Variants in PIGL observed in about 807,000 individuals in gnomAD.
The protein encoded by PIGL is N-acetylglucosaminyl-phosphatidylinositol de-N-acetylase.
PIGL carries 22 observed loss-of-function variants against 31.1 expected under a neutral mutation model. That is an observed-to-expected ratio of 0.71 (90% CI 0.51 to 1.01). The LOEUF (loss-of-function observed/expected upper bound fraction) is 1.01, where lower values mean the gene tolerates loss of function less well. PIGL is among the 50% of genes least tolerant of loss of function. PIGL has a pLI of 0.00. For missense variants in PIGL, 302 were observed against 315.9 expected (o/e 0.96, Z 0.33); for synonymous variants, 131 against 117.4 (o/e 1.12, Z -0.75).
At chr17:16,249,347 C>T (rs984684623) in intron 2 of PIGL, among the ~76,000 whole-genome samples, 10 of 152,028 alleles carry the variant, frequency 6.6e-5, no homozygotes, top group African/African-American at 2.2e-4. Context: ...GGCATGGTGG[C>T]GCACGCCTGT....
In PIGL at chr17:16,282,167, T is replaced by C. The variant is rs73978831; in HGVS notation, c.336-17721T>C. 3.3e-3 allele frequency: 1,400 copies of C among 421,266 alleles called. 14 individuals are homozygous for C. Among genetic ancestry groups the C allele is most frequent in the African/African-American group, 0.026 (1,285 of 49,552 alleles). 26.1% of individuals were successfully genotyped at this position (421,266 alleles called of 1,614,324 possible). Reference sequence around the variant, plus strand: ...CCTGGGAATTAGCACATATCCCAAATTTCCTTCAGCTTTGCCTGCCCACAG... The same window carrying C: ...CCTGGGAATTAGCACATATCCCAAACTTCCTTCAGCTTTGCCTGCCCACAG... On this transcript the variant is annotated intron_variant, in intron 2 of 6. Coordinates refer to ENST00000225609, the MANE Select transcript of PIGL (RefSeq NM_004278.4).
At chr17:16,264,863 G>A (rs1184269353) in intron 2 of PIGL, among the ~76,000 whole-genome samples, 3 of 152,100 alleles carry the variant, frequency 2.0e-5, no homozygotes, top group Non-Finnish European at 2.9e-5. Flanking sequence ...CTGACCTCAG[G>A]TGACCCGCCC....
At chr17:16,303,242 CT>C (rs1418632922) in intron 3 of PIGL, among the ~76,000 whole-genome samples, 1 of 152,166 alleles carries the variant, frequency 6.6e-6, no homozygotes, top group Non-Finnish European at 1.5e-5. Context: ...ACATATGTTG[CT>C]GTTTATTCTT....
chr17:16,310,703 A>G (rs1317032619), intron 3 of PIGL, among the ~76,000 whole-genome samples: 1 of 152,040 alleles, frequency 6.6e-6, no homozygotes, highest in African/African-American at 2.4e-5. Flanking sequence ...CGCCCAGCTC[A>G]TTTTTGTATT....
chr17:16,246,205 G>A (rs1348660215), intron 2 of PIGL, among the ~76,000 whole-genome samples: 1 of 151,742 alleles, frequency 6.6e-6, no homozygotes, highest in African/African-American at 2.4e-5. Flanking sequence ...CTATAGTAGA[G>A]GGATAGTAAG....
At chr17:16,220,071 C>T (rs990028765) in intron 1 of PIGL, among the ~76,000 whole-genome samples, 2 of 151,580 alleles carry the variant, frequency 1.3e-5, no homozygotes, top group African/African-American at 2.4e-5. Flanking sequence ...AAATATAGGC[C>T]GGGCATGGTG....
chr17:16,290,019 G>A (rs926996145), intron 2 of PIGL, among the ~76,000 whole-genome samples: 15 of 151,550 alleles, frequency 9.9e-5, no homozygotes, highest in African/African-American at 2.7e-4. Flanking sequence ...CAGGTGATCC[G>A]CCCACCTTGG....
intron 2 of PIGL, among the ~76,000 whole-genome samples, chr17:16,286,578 G>A: frequency 6.6e-6 from 1 of 152,182 alleles, no homozygotes; most frequent in East Asian, 1.9e-4. Flanking sequence ...AACGCTTTTA[G>A]CCTGGCTTGT....
Position 16,317,927 on chromosome 17 carries a change from T to C in PIGL, c.660+19T>C. ...GGCCAAGGTGAGGATTGTAAATTCCTGGACACCCCAACTCAGATCCCTGCC... is the reference window on the plus strand; with the variant it reads ...GGCCAAGGTGAGGATTGTAAATTCCCGGACACCCCAACTCAGATCCCTGCC... On this transcript the variant is annotated intron_variant, in intron 6 of 6. Transcript: ENST00000225609. The C allele has an allele frequency of 1.3e-6, 2 of 1,596,428 alleles. No individual in the cohort carries two copies. Among genetic ancestry groups the C allele is most frequent in the Non-Finnish European group, 1.7e-6 (2 of 1,175,058 alleles).
chr17:16,307,055 GT>G (rs1393578559), intron 3 of PIGL, among the ~76,000 whole-genome samples: 4 of 152,190 alleles, frequency 2.6e-5, no homozygotes, highest in African/African-American at 9.7e-5. Context: ...AGAGGGTTCT[GT>G]CAGGGAGCTG....
intron 2 of PIGL, among the ~76,000 whole-genome samples, chr17:16,275,158 G>C (rs924246570): frequency 1.3e-5 from 2 of 152,206 alleles, no homozygotes; most frequent in Non-Finnish European, 2.9e-5. Context: ...ACAAGGGCTG[G>C]CTTATTGAGT....
chr17:16,283,712 T>C (rs2092925801), intron 2 of PIGL, among the ~76,000 whole-genome samples: 1 of 152,190 alleles, frequency 6.6e-6, no homozygotes, highest in South Asian at 2.1e-4. Flanking sequence ...AGTGTGAAGA[T>C]TTTGTAAAAC....
At chr17:16,302,301 G>A (rs989163529) in intron 3 of PIGL, among the ~76,000 whole-genome samples, 35 of 152,094 alleles carry the variant, frequency 2.3e-4, no homozygotes, top group African/African-American at 8.4e-4. Context: ...AAGCGGTAAT[G>A]TTAGATCCAT....
intron 2 of PIGL, among the ~76,000 whole-genome samples, chr17:16,294,609 T>A (rs2092973652): frequency 6.6e-6 from 1 of 152,214 alleles, no homozygotes; most frequent in Admixed American, 6.5e-5. Context: ...ATTGAAAGTA[T>A]CCATTGAACA....
At chr17:16,286,593 T>A (rs2092938881) in intron 2 of PIGL, among the ~76,000 whole-genome samples, 1 of 152,210 alleles carries the variant, frequency 6.6e-6, no homozygotes, top group African/African-American at 2.4e-5. Flanking sequence ...GCTTGTTTCC[T>A]GAACATTAAG....
intron 2 of PIGL, among the ~76,000 whole-genome samples, chr17:16,238,280 C>T (rs909624201): frequency 1.3e-5 from 2 of 150,296 alleles, no homozygotes; most frequent in Admixed American, 6.6e-5. Flanking sequence ...ACAGTAAATA[C>T]TCAAAACTAA....
intron 2 of PIGL, among the ~76,000 whole-genome samples, chr17:16,298,555 G>T (rs2092991901): frequency 6.6e-6 from 1 of 152,208 alleles, no homozygotes; most frequent in Admixed American, 6.5e-5. Flanking sequence ...ACACAGATAA[G>T]TTGAAGTTTA....
intron 2 of PIGL, among the ~76,000 whole-genome samples, chr17:16,287,386 G>A (rs1420668523): frequency 1.3e-5 from 2 of 152,200 alleles, no homozygotes; most frequent in Non-Finnish European, 2.9e-5. Flanking sequence ...GGAACACACA[G>A]CCAGTGCCCA....
chr17:16,293,069 C>G (rs1047413260), intron 2 of PIGL, among the ~76,000 whole-genome samples: 1 of 152,168 alleles, frequency 6.6e-6, no homozygotes, highest in Non-Finnish European at 1.5e-5. Context: ...AAGAACAACT[C>G]AGATAGTTAG....
Sources: allele counts gnomAD v4.1 joint callset (sites outside exome capture counted in the v4.1 genomes callset), GRCh38; gene constraint gnomAD v4.1.1; transcripts MANE v1.5; gene names NCBI Gene and HGNC (gene_info 2026-07-23, HGNC 2026-07-21).